OAT: variants seen among roughly 807,000 people sequenced by gnomAD.
OAT encodes ornithine aminotransferase, mitochondrial.
A neutral mutation model predicts 48.4 loss-of-function variants in OAT; 35 were observed. The observed-to-expected ratio is 0.72, with a 90% CI of 0.55 to 0.96. The LOEUF is 0.96. Among genes scored for constraint, OAT ranks in the 40% least tolerant of loss-of-function variants. The pLI, the probability that OAT is intolerant of heterozygous loss-of-function variation, is 0.00. For missense variants in OAT, 438 were observed against 537.9 expected (o/e 0.81, Z 1.84); for synonymous variants, 182 against 198.4 (o/e 0.92, Z 0.70).
Position 124,403,665 on chromosome 10 carries a change from G to C in OAT, c.771+133C>G, listed in dbSNP as rs576990305. On this transcript the variant is annotated intron_variant, in intron 6 of 9. Coordinates refer to ENST00000368845, the MANE Select transcript of OAT (RefSeq NM_000274.4). ...GCTCTTAGAATGCCATCGCCCTCTA[G>C]TGGAAAGTAATTTAATCTTTGCATT... 31 of 1,304,924 alleles carry C rather than the reference G, an allele frequency of 2.4e-5. 1 individual carries two copies. In the African/African-American group the frequency reaches 3.8e-4, roughly 16 times the overall value. 80.8% of individuals were successfully genotyped at this position (1,304,924 alleles called of 1,614,324 possible).
chr10:124,409,427 C>T (rs773314301), intron 2 of OAT, among the ~76,000 whole-genome samples: 32 of 151,946 alleles, frequency 2.1e-4, no homozygotes, highest in Admixed American at 3.3e-4. Flanking sequence ...TGGTAGTGCG[C>T]GCGTATGGTC....
chr10:124,416,462 C>T (rs1019839550), intron 1 of OAT, among the ~76,000 whole-genome samples: 5 of 152,120 alleles, frequency 3.3e-5, no homozygotes, highest in African/African-American at 1.2e-4. Flanking sequence ...GATCTAATGG[C>T]CTTCAAAGGT....
chr10:124,401,581 G>T (rs1951409653), intron 8 of OAT, 145 bp downstream of exon 8: 5 of 684,928 alleles, frequency 7.3e-6, no homozygotes, highest in Non-Finnish European at 1.3e-5. Flanking sequence ...AGAATATCTT[G>T]TTCCTAAAAT....
At position 124,405,461 on chromosome 10, in the gene OAT, G is replaced by C. The variant is rs763993433; in HGVS notation, c.623C>G (p.Pro208Arg). 3 of 1,613,816 alleles carry C rather than the reference G, an allele frequency of 1.9e-6. No individual in the cohort carries two copies. The highest frequency in any genetic ancestry group is 2.5e-6 in the Non-Finnish European group (3 of 1,179,850). The change falls in exon 5 of 10, where the codon CCC (proline) becomes CGC (arginine). Residue 208 changes from proline to arginine, a missense_variant. Transcript: ENST00000368845. The part of the protein sequence containing the change: ...GPFMPGFDII[P>R]YNDLPALERA... ...CTCCAGTGCGGGCAGATCATTATAG[G>C]GAATGATGTCGAATCCCGGCATAAA...
At position 124,401,081 on chromosome 10, in the gene OAT, A is replaced by T. The variant is rs963720191; in HGVS notation, c.1015-97T>A. On this transcript the variant is annotated intron_variant, in intron 8 of 9. Coordinates refer to ENST00000368845, the MANE Select transcript of OAT (RefSeq NM_000274.4). Reference sequence around the variant, plus strand: ...GTAAACACAGGAAAAACATGACTAGATAAAATACCAGAGGAACTTAACTTT... The same window carrying T: ...GTAAACACAGGAAAAACATGACTAGTTAAAATACCAGAGGAACTTAACTTT... 4.2e-5 allele frequency: 34 copies of T among 815,850 alleles called. No individual in the cohort carries two copies. The African/African-American group carries it at 5.7e-4, about 14-fold the overall frequency. The allele number at this position is 815,850 out of a possible 1,614,324, so 50.5% of individuals were successfully genotyped here.
intron 2 of OAT, among the ~76,000 whole-genome samples, chr10:124,410,967 C>G (rs1326739351): frequency 6.6e-6 from 1 of 151,778 alleles, no homozygotes; most frequent in African/African-American, 2.4e-5. Context: ...TGATGAAACC[C>G]TGTCTCTACT....
intron 7 of OAT, among the ~76,000 whole-genome samples, chr10:124,402,204 A>T (rs1013087273): frequency 6.6e-6 from 1 of 152,160 alleles, no homozygotes; most frequent in African/African-American, 2.4e-5. Flanking sequence ...CCGGCCAAGA[A>T]ACTGATACTT....
At position 124,400,964 on chromosome 10, in the gene OAT, A is replaced by G. The variant is rs1951391200; in HGVS notation, c.1035T>C (p.Leu345=). ...TGCCCAATTTGTCTGCATTTTCAGC[A>G]AGGTTTTCTTCTTCTAAAACCTACG... ...AALEVLEEEN[L]AENADKLGII... Residue 345 remains leucine, a synonymous_variant, in exon 9 of 10, where the codon CTT becomes CTC. Coordinates refer to ENST00000368845, the MANE Select transcript of OAT (RefSeq NM_000274.4). The G allele has an allele frequency of 6.2e-7, 1 of 1,611,640 alleles. No individual in the cohort carries two copies. Among genetic ancestry groups the G allele is most frequent in the East Asian group, 2.2e-5 (1 of 44,792 alleles).
At position 124,403,741 on chromosome 10, in the gene OAT, T is replaced by C. The variant is rs202017485; in HGVS notation, c.771+57A>G. On this transcript the variant is annotated intron_variant, in intron 6 of 9. Transcript: ENST00000368845. ...GAGTTGGGGAGGAGCCCATTCAGCC[T>C]CATCACAAACAGCTAACTCGACATT... 8.8e-5 allele frequency: 142 copies of C among 1,612,266 alleles called. 1 individual carries two copies. The highest frequency in any genetic ancestry group is 1.2e-4 in the Non-Finnish European group (142 of 1,178,812).
rs886046809 is a variant in OAT at position 124,397,753 on chromosome 10, T to C, written c.*189A>G. Reference sequence around the variant, plus strand: ...ATATAGATGCCATTACATTATTTAGTTACGTTACAAAGCAAACGGCAGGTT... The same window carrying C: ...ATATAGATGCCATTACATTATTTAGCTACGTTACAAAGCAAACGGCAGGTT... On this transcript the variant is annotated 3_prime_UTR_variant, in exon 10 of 10. Coordinates refer to ENST00000368845, the MANE Select transcript of OAT (RefSeq NM_000274.4). The C allele has an allele frequency of 3.8e-5, 23 of 603,692 alleles. No homozygotes were observed. Among genetic ancestry groups the C allele is most frequent in the Admixed American group, 1.5e-4 (5 of 34,192 alleles). The allele number at this position is 603,692 out of a possible 1,614,324, so 37.4% of individuals were successfully genotyped here.
intron 9 of OAT, among the ~76,000 whole-genome samples, chr10:124,398,458 G>A (rs1024704284): frequency 1.3e-5 from 2 of 151,596 alleles, no homozygotes; most frequent in Non-Finnish European, 2.9e-5. Context: ...AGTGAGCGGA[G>A]ATCGCGCCAC....
intron 3 of OAT, 25 bp from the exon 4 acceptor site, chr10:124,408,662 A>T (rs1951669886): frequency 1.9e-6 from 3 of 1,599,658 alleles, no homozygotes; most frequent in Non-Finnish European, 2.6e-6. Flanking sequence ...AAATGTTCAG[A>T]TTTTTTTAAA....
Position 124,400,983 on chromosome 10 carries a change from AC to A in OAT, c.1015del (p.Val339PhefsTer2). The A allele has an allele frequency of 6.2e-7, 1 of 1,609,204 alleles. No individual in the cohort carries two copies. The highest frequency in any genetic ancestry group is 8.5e-7 in the Non-Finnish European group (1 of 1,176,776). The part of the protein sequence containing the change: ...GCRVAIAALE[V>X]LEEENLAENA... ...TTCAGCAAGGTTTTCTTCTTCTAAA[AC>A]CTACGTTTAAAGAAAAATTATACAA... On this transcript the variant is annotated frameshift_variant and splice_region_variant, in exon 9 of 10. Coordinates refer to ENST00000368845, the MANE Select transcript of OAT (RefSeq NM_000274.4). LOFTEE classifies it high-confidence loss of function.
At position 124,402,922 on chromosome 10, in the gene OAT, C is replaced by T. The variant is rs532986260; in HGVS notation, c.900+5G>A. The stretch of plus-strand genomic sequence containing the variant: ...AAATGGAAAGAGGGGGAACATGAAA[C>T]TTACAGGGTATAAGCCCCCAGAAAG... On this transcript the variant is annotated splice_donor_5th_base_variant and intron_variant, in intron 7 of 9. Coordinates refer to ENST00000368845, the MANE Select transcript of OAT (RefSeq NM_000274.4). The T allele has an allele frequency of 1.2e-6, 2 of 1,613,528 alleles. No individual in the cohort carries two copies. The highest frequency in any genetic ancestry group is 1.3e-5 in the African/African-American group (1 of 75,022).
chr10:124,400,907 A>C lies in OAT; in HGVS notation c.1092T>G (p.Pro364=). ...IILRNELMKL[P]SDVVTAVRGK... is the part of the protein sequence containing the mutation. ...CTCTTACGGCAGTTACAACATCAGA[A>C]GGTAGCTTCATGAGTTCATTTCTCA... Residue 364 remains proline (P), a synonymous_variant, in exon 9 of 10, where the codon CCT becomes CCG. Coordinates refer to ENST00000368845, the MANE Select transcript of OAT (RefSeq NM_000274.4). The C allele has an allele frequency of 6.2e-7, 1 of 1,608,008 alleles. No homozygotes were observed. The highest frequency in any genetic ancestry group is 8.5e-7 in the Non-Finnish European group (1 of 1,176,142).
intron 1 of OAT, among the ~76,000 whole-genome samples, 162 bp downstream of exon 1, chr10:124,418,711 G>A (rs1481761233): frequency 6.6e-6 from 1 of 152,054 alleles, no homozygotes; most frequent in East Asian, 1.9e-4. Flanking sequence ...GGCCGCTGAA[G>A]CGGGGCTCGT....
At chr10:124,404,124 T>C (rs1951503249) in intron 5 of OAT, among the ~76,000 whole-genome samples, 1 of 152,164 alleles carries the variant, frequency 6.6e-6, no homozygotes, top group Admixed American at 6.5e-5. Flanking sequence ...ACATTTCCTT[T>C]TTTGCCTCAT....
In OAT at chr10:124,397,777, T is replaced by G. The variant is rs1589691700; in HGVS notation, c.*165A>C. On this transcript the variant is annotated 3_prime_UTR_variant, in exon 10 of 10. Transcript: ENST00000368845. Reference sequence around the variant, plus strand: ...GTTACGTTACAAAGCAAACGGCAGGTTCATAAACGTTGTTCTATTATGTAT... The same window carrying G: ...GTTACGTTACAAAGCAAACGGCAGGGTCATAAACGTTGTTCTATTATGTAT... 4.4e-6 allele frequency: 3 copies of G among 678,514 alleles called. No homozygotes were observed. The allele number at this position is 678,514 out of a possible 1,614,324, so 42.0% of individuals were successfully genotyped here.
chr10:124,398,434 G>GA (rs1221970639), intron 9 of OAT, among the ~76,000 whole-genome samples: 3 of 151,994 alleles, frequency 2.0e-5, no homozygotes, highest in East Asian at 3.9e-4. Flanking sequence ...CTTGAACCAG[G>GA]AGGCGGAGGC....
Sources: allele counts gnomAD v4.1 joint callset (sites outside exome capture counted in the v4.1 genomes callset), GRCh38; gene constraint gnomAD v4.1.1; transcripts MANE v1.5; gene names NCBI Gene and HGNC (gene_info 2026-07-23, HGNC 2026-07-21).